Variants in LRP1B observed in about 807,000 individuals in gnomAD.
LRP1B encodes LDL receptor related protein 1B.
LRP1B carries 217 observed loss-of-function variants against 556.6 expected under a neutral mutation model. That is an observed-to-expected ratio of 0.39 (90% CI 0.35 to 0.44). The LOEUF is 0.44. Among genes scored for constraint, LRP1B ranks in the 20% least tolerant of loss-of-function variants. The pLI, the probability that LRP1B is intolerant of heterozygous loss-of-function variation, is 1.00. For synonymous variants in LRP1B, 2,047 were observed against 1,865.8 expected (o/e 1.10, Z -2.50); for missense variants, 5,053 against 5,620.8 (o/e 0.90, Z 3.23).
At chr2:141,315,323 G>C (rs1370178851) in intron 3 of LRP1B, among the ~76,000 whole-genome samples, 2 of 138,018 alleles carry the variant, frequency 1.4e-5, no homozygotes, top group East Asian at 2.2e-4. Flanking sequence ...GCAGTGGCGC[G>C]ATCTTGGCTC....
At chr2:140,802,717 C>T (rs1315725901) in intron 32 of LRP1B, among the ~76,000 whole-genome samples, 1 of 151,996 alleles carries the variant, frequency 6.6e-6, no homozygotes, top group Non-Finnish European at 1.5e-5. Context: ...TTTTAAATTA[C>T]TTTGCTGTTA....
intron 1 of LRP1B, among the ~76,000 whole-genome samples, chr2:141,822,092 T>TACACACACACACACAC (rs149899299): frequency 1.3e-4 from 15 of 112,370 alleles, no homozygotes; most frequent in African/African-American, 5.4e-4. Flanking sequence ...AAAAAATACA[T>TACACACACACACACAC]ACACACACAC....
intron 86 of LRP1B, 72 bp from the exon 87 acceptor site, chr2:140,247,234 C>T (rs1323267880): frequency 5.8e-6 from 6 of 1,032,440 alleles, no homozygotes; most frequent in Non-Finnish European, 9.1e-6. Context: ...AATGTAGTAA[C>T]TTTAACCAAA....
intron 66 of LRP1B, among the ~76,000 whole-genome samples, chr2:140,439,559 C>T (rs1015791305): frequency 6.6e-6 from 1 of 152,032 alleles, no homozygotes; most frequent in Non-Finnish European, 1.5e-5. Context: ...GTAATTTAAT[C>T]TAAATGTGCC....
intron 1 of LRP1B, among the ~76,000 whole-genome samples, chr2:142,020,770 G>A (rs1443704906): frequency 6.6e-6 from 1 of 152,144 alleles, no homozygotes; most frequent in Admixed American, 6.5e-5. Flanking sequence ...CATGGTGTAA[G>A]TTTAATTAGA....
At chr2:140,262,737 C>T (rs1682004120) in intron 86 of LRP1B, among the ~76,000 whole-genome samples, 1 of 152,100 alleles carries the variant, frequency 6.6e-6, no homozygotes, top group South Asian at 2.1e-4. Flanking sequence ...CCTCCTCACT[C>T]TCCTCTACTA....
chr2:141,899,156 C>G (rs1238705740), intron 1 of LRP1B, among the ~76,000 whole-genome samples: 1 of 152,126 alleles, frequency 6.6e-6, no homozygotes, highest in African/African-American at 2.4e-5. Context: ...TGGAAAGATA[C>G]TATTTCTCTG....
At chr2:140,321,331 G>T (rs1326624211) in intron 82 of LRP1B, among the ~76,000 whole-genome samples, 1 of 151,382 alleles carries the variant, frequency 6.6e-6, no homozygotes, top group African/African-American at 2.4e-5. Context: ...AATACAAACT[G>T]CATGAATGAA....
intron 29 of LRP1B, among the ~76,000 whole-genome samples, chr2:140,841,431 A>C (rs1001688117): frequency 6.6e-6 from 1 of 152,216 alleles, no homozygotes; most frequent in Admixed American, 6.5e-5. Flanking sequence ...TAGCTTCTCC[A>C]GTTGATAGCA....
At chr2:141,494,569 T>C (rs959153248) in intron 2 of LRP1B, among the ~76,000 whole-genome samples, 1 of 151,792 alleles carries the variant, frequency 6.6e-6, no homozygotes, top group Non-Finnish European at 1.5e-5. Context: ...CTGAAACTAA[T>C]AGCACCTTGA....
intron 37 of LRP1B, among the ~76,000 whole-genome samples, chr2:140,714,300 G>A (rs1687136859): frequency 6.6e-6 from 1 of 152,184 alleles, no homozygotes; most frequent in Non-Finnish European, 1.5e-5. Flanking sequence ...AACGTTAATT[G>A]AATAAATTGA....
intron 3 of LRP1B, among the ~76,000 whole-genome samples, chr2:141,382,157 G>A (rs548668811): frequency 2.3e-4 from 35 of 152,226 alleles, no homozygotes; most frequent in African/African-American, 6.7e-4. Flanking sequence ...TTGGCATAGC[G>A]GCTCATCTGC....
intron 51 of LRP1B, among the ~76,000 whole-genome samples, chr2:140,513,061 C>T (rs888214287): frequency 3.9e-4 from 59 of 151,926 alleles, no homozygotes; most frequent in African/African-American, 1.4e-3. Flanking sequence ...GACAATACTT[C>T]GACAAAGAAA....
At chr2:141,351,965 A>T (rs1688461131) in intron 3 of LRP1B, among the ~76,000 whole-genome samples, 1 of 151,820 alleles carries the variant, frequency 6.6e-6, no homozygotes, top group Non-Finnish European at 1.5e-5. Flanking sequence ...TAGAGACATG[A>T]GGGAGTATGA....
At chr2:140,691,127 T>C (rs552201930) in intron 41 of LRP1B, among the ~76,000 whole-genome samples, 5 of 152,230 alleles carry the variant, frequency 3.3e-5, no homozygotes, top group African/African-American at 1.2e-4. Flanking sequence ...AATAAGCACA[T>C]AGCCCTTTTA....
At chr2:141,039,935 C>T (rs181888715) in intron 11 of LRP1B, among the ~76,000 whole-genome samples, 2 of 152,126 alleles carry the variant, frequency 1.3e-5, no homozygotes, top group Admixed American at 1.3e-4. Context: ...TGAAACTGAA[C>T]ACTGTTTTCA....
chr2:142,110,923 T>G (rs1706965256), intron 1 of LRP1B, among the ~76,000 whole-genome samples: 1 of 152,188 alleles, frequency 6.6e-6, no homozygotes, highest in East Asian at 1.9e-4. Context: ...TTTGTGCTAA[T>G]TAGAAAAAGG....
At chr2:141,147,750 G>GGA (rs1316493206) in intron 7 of LRP1B, among the ~76,000 whole-genome samples, 1 of 152,146 alleles carries the variant, frequency 6.6e-6, no homozygotes, top group Non-Finnish European at 1.5e-5. Flanking sequence ...ATGAGCAAAT[G>GGA]GAGATAATAT....
intron 1 of LRP1B, among the ~76,000 whole-genome samples, chr2:141,928,188 C>T (rs1700387974): frequency 6.6e-6 from 1 of 152,110 alleles, no homozygotes; most frequent in Non-Finnish European, 1.5e-5. Flanking sequence ...ATGACCTTGT[C>T]CCCATCATAT....
Sources: allele counts gnomAD v4.1 joint callset (sites outside exome capture counted in the v4.1 genomes callset), GRCh38; gene constraint gnomAD v4.1.1; transcripts MANE v1.5; gene names NCBI Gene and HGNC (gene_info 2026-07-23, HGNC 2026-07-21).